TYRP1: variants seen among roughly 807,000 people sequenced by gnomAD.
TYRP1 encodes the protein 5,6-dihydroxyindole-2-carboxylic acid oxidase.
Under a neutral mutation model 42.8 loss-of-function variants are expected in TYRP1, and 49 were observed. The ratio of observed to expected loss-of-function variants is 1.14; its 90% confidence interval spans 0.91 to 1.45. TYRP1 has a LOEUF of 1.45. Among genes scored for constraint, TYRP1 ranks in the 40% most tolerant of loss-of-function variants. The pLI, the probability that TYRP1 is intolerant of heterozygous loss-of-function variation, is 0.00. For missense variants in TYRP1, 848 were observed against 662.0 expected (o/e 1.28, Z -3.08); for synonymous variants, 279 against 235.4 (o/e 1.19, Z -1.69).
At chr9:12,703,984 T>C (rs564211805) in intron 5 of TYRP1, among the ~76,000 whole-genome samples, 5 of 151,752 alleles carry the variant, frequency 3.3e-5, no homozygotes, top group Non-Finnish European at 5.9e-5. Flanking sequence ...TGACAGTAGG[T>C]TTTCCCGATG....
At chr9:12,698,328 T>C (rs915537415) in intron 3 of TYRP1, 123 bp from the exon 4 acceptor site, 5 of 952,080 alleles carry the variant, frequency 5.3e-6, no homozygotes, top group Admixed American at 2.0e-5. Context: ...ACCGTTGATA[T>C]ACTAACCAGT....
rs1412251285 is a variant in TYRP1, at chr9:12,709,324, C to T, written c.*142C>T. On this transcript the variant is annotated 3_prime_UTR_variant, in exon 8 of 8. Transcript: ENST00000388918. ...TGTTAGCATTAAAGTTCTAGGCATA[C>T]TTTTCAAAGCTGGGAAGACCCTTTC... 1 of 859,862 alleles carries T rather than the reference C, an allele frequency of 1.2e-6. No homozygotes were observed. Among genetic ancestry groups the T allele is most frequent in the Admixed American group, 2.1e-5 (1 of 47,462 alleles). The allele number at this position is 859,862 out of a possible 1,614,324, so 53.3% of individuals were successfully genotyped here.
rs1304510249 is a variant in TYRP1, at chr9:12,702,373, T to G, written c.1016T>G (p.Val339Gly). The G allele has an allele frequency of 6.2e-7, 1 of 1,613,010 alleles. No individual in the cohort carries two copies. Among genetic ancestry groups the G allele is most frequent in the African/African-American group, 1.3e-5 (1 of 74,870 alleles). ...EPQDVAQCLE[V>G]GLFDTPPFYS... ...CAGGATGTCGCTCAGTGCTTGGAAG[T>G]TGGTTTATTTGACACGCCTCCTTTT... Residue 339 changes from valine to glycine, a missense_variant, in exon 5 of 8, where the codon GTT becomes GGT. By Grantham distance (109) the Val-to-Gly change is moderately radical (BLOSUM62 -3). Coordinates refer to ENST00000388918, the MANE Select transcript of TYRP1 (RefSeq NM_000550.3).
Position 12,708,037 on chromosome 9 carries a change from TAATAGAC to T in TYRP1, c.1307_1313del (p.Arg436ThrfsTer41). On this transcript the variant is annotated frameshift_variant, in exon 7 of 8. Coordinates refer to ENST00000388918, the MANE Select transcript of TYRP1 (RefSeq NM_000550.3). LOFTEE classifies it high-confidence loss of function. ...CATTGGAAAATGCCCCTATTGGACA[TAATAGAC>T]AATACAACATGGTGCCATTCTGGCC... 3.1e-6 allele frequency: 5 copies of T among 1,612,636 alleles called. No individual in the cohort carries two copies. Among genetic ancestry groups the T allele is most frequent in the Non-Finnish European group, 4.2e-6 (5 of 1,179,180 alleles).
At chr9:12,701,538 A>G (rs1216648249) in intron 4 of TYRP1, 2 of 151,844 alleles carry the variant, frequency 1.3e-5, no homozygotes, top group East Asian at 3.9e-4. Context: ...AATTTATTTC[A>G]CCTAAGAAAA....
In TYRP1 at chr9:12,695,834, G is replaced by A. The variant is rs1818071789; in HGVS notation, c.705G>A (p.Met235Ile). 1.9e-6 allele frequency: 3 copies of A among 1,613,966 alleles called. No homozygotes were observed. Among genetic ancestry groups the A allele is most frequent in the Non-Finnish European group, 2.5e-6 (3 of 1,179,978 alleles). The change falls in exon 3 of 8, where the codon ATG becomes ATA. Residue 235 changes from methionine to isoleucine, a missense_variant. Met to Ile is a conservative substitution (Grantham distance 10). Transcript: ENST00000388918. ...RYHLLRLEKDMQEMLQEPSFS... is the reference protein window; with the variant it reads ...RYHLLRLEKDIQEMLQEPSFS... ...ACCTCCTGCGTCTGGAGAAAGACAT[G>A]CAGGTATGTAAGAAGCATTTCAGTT...
intron 6 of TYRP1, among the ~76,000 whole-genome samples, chr9:12,704,965 G>A (rs1284639022): frequency 2.6e-5 from 4 of 151,724 alleles, no homozygotes; most frequent in African/African-American, 4.8e-5. Context: ...TTTTTGCTAC[G>A]AAAAAATGGC....
Position 12,709,584 on chromosome 9 carries a change from ACAC to A in TYRP1, c.*403_*405del, listed in dbSNP as rs1228456140. 1.0e-5 allele frequency: 2 copies of A among 194,122 alleles called. No individual in the cohort carries two copies. 12.0% of individuals were successfully genotyped at this position (194,122 alleles called of 1,614,324 possible). Reference sequence around the variant, plus strand: ...GCATTTCTAAAATGTTAAAACATAAACACATTTCCATTCATGGATATTTGTCAA... The same window carrying A: ...GCATTTCTAAAATGTTAAAACATAAAATTTCCATTCATGGATATTTGTCAA... On this transcript the variant is annotated 3_prime_UTR_variant, in exon 8 of 8. Transcript: ENST00000388918.
chr9:12,709,041 A>T lies in TYRP1; in HGVS notation c.1473A>T (p.Ala491=), dbSNP rs766606003. 2 of 1,612,574 alleles carry T rather than the reference A, an allele frequency of 1.2e-6. No individual in the cohort carries two copies. Residue 491 remains alanine, a synonymous_variant, in exon 8 of 8, where the codon GCA becomes GCT. Transcript: ENST00000388918. ...IAVVGALLLV[A]LIFGTASYLI... is the part of the protein sequence containing the mutation. ...TAGTTGGCGCTTTGTTACTGGTTGC[A>T]CTCATTTTTGGGACTGCTTCTTATC... is the stretch of plus-strand genomic sequence containing the variant.
At chr9:12,706,022 C>T (rs1320474272) in intron 6 of TYRP1, among the ~76,000 whole-genome samples, 1 of 151,978 alleles carries the variant, frequency 6.6e-6, no homozygotes, top group Non-Finnish European at 1.5e-5. Flanking sequence ...ACACCTTTAA[C>T]AAATCTTTCC....
chr9:12,707,319 A>T (rs530215872), intron 6 of TYRP1, among the ~76,000 whole-genome samples: 28 of 152,138 alleles, frequency 1.8e-4, no homozygotes, highest in African/African-American at 6.7e-4. Context: ...TTTCCTGGTC[A>T]GTATTCAAGG....
At chr9:12,706,197 C>T (rs1292371166) in intron 6 of TYRP1, among the ~76,000 whole-genome samples, 2 of 151,954 alleles carry the variant, frequency 1.3e-5, no homozygotes, top group African/African-American at 4.8e-5. Context: ...TAAACATGCA[C>T]TTCTGGGAAC....
At chr9:12,697,276 C>A (rs769886244) in intron 3 of TYRP1, among the ~76,000 whole-genome samples, 5 of 152,152 alleles carry the variant, frequency 3.3e-5, no homozygotes, top group Non-Finnish European at 7.4e-5. Context: ...AAAGACCCAA[C>A]AGCACAAGGG....
chr9:12,706,716 G>A (rs41314232), intron 6 of TYRP1, among the ~76,000 whole-genome samples: 1 of 151,990 alleles, frequency 6.6e-6, no homozygotes, highest in African/African-American at 2.4e-5. Flanking sequence ...CTGCAAATAC[G>A]TTTTAGAAAT....
Position 12,709,300 on chromosome 9 carries a change from G to A in TYRP1, c.*118G>A. On this transcript the variant is annotated 3_prime_UTR_variant, in exon 8 of 8. Coordinates refer to ENST00000388918, the MANE Select transcript of TYRP1 (RefSeq NM_000550.3). ...TACCTTCTTTCTAATACAAGCATAT[G>A]TTAGCATTAAAGTTCTAGGCATACT... 9.1e-7 allele frequency: 1 copy of A among 1,093,096 alleles called. No homozygotes were observed. Among genetic ancestry groups the A allele is most frequent in the Non-Finnish European group, 1.4e-6 (1 of 731,360 alleles). 67.7% of individuals were successfully genotyped at this position (1,093,096 alleles called of 1,614,324 possible). A position where few individuals can be genotyped will look rare whatever the true frequency, so the allele number is the denominator to read the frequency against.
At chr9:12,695,425 G>C in intron 2 of TYRP1, 90 bp from the exon 3 acceptor site, 1 of 1,139,290 alleles carries the variant, frequency 8.8e-7, no homozygotes, top group East Asian at 2.4e-5. Flanking sequence ...TGGATAAATG[G>C]GTCGTGGTGT....
intron 4 of TYRP1, among the ~76,000 whole-genome samples, chr9:12,698,929 T>A (rs1299306961): frequency 3.9e-5 from 6 of 152,128 alleles, no homozygotes; most frequent in Non-Finnish European, 8.8e-5. Context: ...TTTGGAAATG[T>A]CTAGTTGTAT....
intron 2 of TYRP1, 92 bp from the exon 3 acceptor site, chr9:12,695,423 T>C (rs1818059128): frequency 8.9e-7 from 1 of 1,126,610 alleles, no homozygotes; most frequent in Admixed American, 1.8e-5. Flanking sequence ...GATGGATAAA[T>C]GGGTCGTGGT....
chr9:12,707,922 G>T lies in TYRP1; in HGVS notation c.1262-75G>T, dbSNP rs900736775. 1.1e-5 allele frequency: 16 copies of T among 1,394,900 alleles called. No homozygotes were observed. In the East Asian group the frequency reaches 3.3e-4, roughly 28 times the overall value. The allele number at this position is 1,394,900 out of a possible 1,614,324, so 86.4% of individuals were successfully genotyped here. A position where few individuals can be genotyped will look rare whatever the true frequency, so the allele number is the denominator to read the frequency against. ...TTCAGGTTCTCCTTGAATATTGGAT[G>T]CCTTTAGAACTCAATAATGATAGGA... On this transcript the variant is annotated intron_variant, in intron 6 of 7. Coordinates refer to ENST00000388918, the MANE Select transcript of TYRP1 (RefSeq NM_000550.3).
Sources: allele counts gnomAD v4.1 joint callset (sites outside exome capture counted in the v4.1 genomes callset), GRCh38; gene constraint gnomAD v4.1.1; transcripts MANE v1.5; gene names NCBI Gene and HGNC (gene_info 2026-07-23, HGNC 2026-07-21).